CUL9: variants seen among roughly 807,000 people sequenced by gnomAD.
The protein encoded by CUL9 is cullin-9.
Under a neutral mutation model 272.6 loss-of-function variants are expected in CUL9, and 79 were observed. The observed-to-expected ratio is 0.29, with a 90% CI of 0.24 to 0.35. The LOEUF is 0.35. Among genes scored for constraint, CUL9 ranks in the 10% least tolerant of loss-of-function variants. CUL9 has a pLI of 1.00. For missense variants in CUL9, 2,532 were observed against 3,255.6 expected (o/e 0.78, Z 5.41); for synonymous variants, 1,186 against 1,286.5 (o/e 0.92, Z 1.67).
Position 43,224,296 on chromosome 6 carries a change from G to A in CUL9, c.7405G>A (p.Asp2469Asn), listed in dbSNP as rs763642023. 5.6e-6 allele frequency: 9 copies of A among 1,614,096 alleles called. No homozygotes were observed. The highest frequency in any genetic ancestry group is 3.3e-5 in the South Asian group (3 of 91,086). The change falls in exon 41 of 41, where the codon GAT becomes AAT. Residue 2469 changes from aspartate (D) to asparagine (N), a missense_variant. Physicochemically the swap from Asp to Asn is conservative, Grantham distance 23. Transcript: ENST00000252050. The surrounding 1 kb of genome is among the most constrained non-coding windows in gnomAD (Gnocchi z 4.2). ...AGAGGCAGAAGAGGAGGAGGAAGACGATGAGGATGATGTGCCCGAGTGGCA... is the reference window on the plus strand; with the variant it reads ...AGAGGCAGAAGAGGAGGAGGAAGACAATGAGGATGATGTGCCCGAGTGGCA... ...GPEAEEEEED[D>N]EDDVPEWQQD...
intron 31 of CUL9, among the ~76,000 whole-genome samples, chr6:43,217,817 A>G (rs1313442200): frequency 1.3e-5 from 2 of 152,172 alleles, no homozygotes; most frequent in African/African-American, 2.4e-5. Context: ...TGGGTGCTAA[A>G]TGAGGTATTG....
chr6:43,185,414 C>T, intron 2 of CUL9, 42 bp from the exon 3 acceptor site: 2 of 1,593,092 alleles, frequency 1.3e-6, no homozygotes, highest in Non-Finnish European at 8.6e-7. Context: ...GGAGAAAGTA[C>T]TGGGGATTGA....
chr6:43,222,754 GGA>G (rs1455207929), intron 37 of CUL9, 23 bp from the exon 38 acceptor site: 1 of 1,610,184 alleles, frequency 6.2e-7, no homozygotes, highest in African/African-American at 1.3e-5. Flanking sequence ...AGGGCAGGCG[GGA>G]GAGCTGATGG....
At position 43,204,824 on chromosome 6, in the gene CUL9, AACCCAGTG is replaced by A; in HGVS notation, c.4417_4424del (p.Thr1473LeufsTer28). 1.2e-6 allele frequency: 2 copies of A among 1,614,186 alleles called. No individual in the cohort carries two copies. Among genetic ancestry groups the A allele is most frequent in the Non-Finnish European group, 1.7e-6 (2 of 1,180,036 alleles). ...TTCCAAGCAGCAGCCTGAGGAACAT[AACCCAGTG>A]CTGGCTGAGCGTGGTGCAGGAGCAG... On this transcript the variant is annotated frameshift_variant, in exon 22 of 41. Transcript: ENST00000252050. LOFTEE classifies it high-confidence loss of function.
At chr6:43,205,902 G>T (rs1414392848) in intron 24 of CUL9, 105 bp from the exon 25 acceptor site, 9 of 890,544 alleles carry the variant, frequency 1.0e-5, no homozygotes, top group East Asian at 2.4e-5. Context: ...GTGAGGTAGG[G>T]TATGTGACTC....
At chr6:43,202,243 T>C (rs1774654977) in intron 16 of CUL9, among the ~76,000 whole-genome samples, 1 of 152,148 alleles carries the variant, frequency 6.6e-6, no homozygotes, top group Non-Finnish European at 1.5e-5. Context: ...GATCATTTCA[T>C]TTGGGCATGA....
At chr6:43,215,051 G>A (rs748274770) in intron 29 of CUL9, 28 bp from the exon 30 acceptor site, 2 of 1,565,816 alleles carry the variant, frequency 1.3e-6, no homozygotes, top group Non-Finnish European at 1.7e-6. Flanking sequence ...CATAAAAGTG[G>A]ACTTCTTGTT....
Position 43,187,024 on chromosome 6 carries a change from C to G in CUL9, c.1316C>G (p.Pro439Arg), listed in dbSNP as rs200298817. 1.2e-6 allele frequency: 2 copies of G among 1,614,078 alleles called. No individual in the cohort carries two copies. Among genetic ancestry groups the G allele is most frequent in the African/African-American group, 2.7e-5 (2 of 75,022 alleles). The change falls in exon 5 of 41, where the codon CCT (proline) becomes CGT (arginine). Residue 439 changes from proline (P) to arginine (R), a missense_variant. This residue lies in a region of CUL9 where 2,218 missense variants were observed against 2,788.6 expected (regional missense o/e 0.80). Coordinates refer to ENST00000252050, the MANE Select transcript of CUL9 (RefSeq NM_015089.4). The part of the protein sequence containing the change: ...VHWHMLEILG[P>R]EEATEDKASA... ...TGGCACATGCTGGAGATCCTGGGCCCTGAGGAAGCCACTGAGGATAAGGCT... is the reference window on the plus strand; with the variant it reads ...TGGCACATGCTGGAGATCCTGGGCCGTGAGGAAGCCACTGAGGATAAGGCT...
Position 43,223,513 on chromosome 6 carries a change from G to T in CUL9, c.7284+116G>T. 1 of 1,393,432 alleles carries T rather than the reference G, an allele frequency of 7.2e-7. No individual in the cohort carries two copies. The highest frequency in any genetic ancestry group is 1.4e-5 in the South Asian group (1 of 70,530). 86.3% of individuals were successfully genotyped at this position (1,393,432 alleles called of 1,614,324 possible). ...CAGAAGGAAAGGCAGCAAAGCGGGT[G>T]AATGGATGTTAGACCTGGGCGCACA... On this transcript the variant is annotated intron_variant, in intron 39 of 40. Coordinates refer to ENST00000252050, the MANE Select transcript of CUL9 (RefSeq NM_015089.4). This position sits in a 1 kb window ranked among gnomAD's most constrained non-coding sequence, Gnocchi z 4.1.
At position 43,213,208 on chromosome 6, in the gene CUL9, G is replaced by A; in HGVS notation, c.5272G>A (p.Gly1758Ser). The change falls in exon 27 of 41, where the codon GGC becomes AGC. Residue 1758 changes from glycine to serine, a missense_variant. Gly to Ser is a moderately conservative substitution (Grantham distance 56, BLOSUM62 0). Around this residue, in one of 3 missense-constraint regions of CUL9, gnomAD observed 2,218 missense variants for 2,788.6 expected, o/e 0.80. Transcript: ENST00000252050. This position sits in a 1 kb window ranked among gnomAD's most constrained non-coding sequence, Gnocchi z 5.7. Reference sequence around the variant, plus strand: ...TCGGCGACTGCAGTGGACGTGGCTGGGCCGGGCTGAGCTGCAGTTTGGGAA... The same window carrying A: ...TCGGCGACTGCAGTGGACGTGGCTGAGCCGGGCTGAGCTGCAGTTTGGGAA... ...PHRRLQWTWLGRAELQFGKQI... is the reference protein window; with the variant it reads ...PHRRLQWTWLSRAELQFGKQI... 2.5e-6 allele frequency: 4 copies of A among 1,614,140 alleles called. No homozygotes were observed. The highest frequency in any genetic ancestry group is 3.4e-6 in the Non-Finnish European group (4 of 1,180,016).
At chr6:43,196,004 G>T in intron 9 of CUL9, 65 bp from the exon 10 acceptor site, 1 of 1,423,518 alleles carries the variant, frequency 7.0e-7, no homozygotes, top group Non-Finnish European at 9.7e-7. Flanking sequence ...GGTCTAGAAT[G>T]AGGCCTACCT....
intron 12 of CUL9, 126 bp downstream of exon 12, chr6:43,198,981 G>A (rs1450510787): frequency 1.1e-5 from 14 of 1,276,672 alleles, no homozygotes; most frequent in Non-Finnish European, 1.4e-5. Context: ...TTGTTGCCCA[G>A]GCTGGAGTGC....
At position 43,186,166 on chromosome 6, in the gene CUL9, G is replaced by C. The variant is rs181783484; in HGVS notation, c.962G>C (p.Arg321Pro). The C allele has an allele frequency of 6.2e-7, 1 of 1,614,190 alleles. No individual in the cohort carries two copies. The highest frequency in any genetic ancestry group is 1.7e-5 in the Admixed American group (1 of 60,026). Residue 321 changes from arginine to proline, a missense_variant, in exon 4 of 41, where the codon CGG becomes CCG. Transcript: ENST00000252050. Reference protein sequence around the residue: ...SELVRSMGWARNLSEQGMSPP... With the variant: ...SELVRSMGWAPNLSEQGMSPP... ...CTTGTGCGGAGCATGGGCTGGGCCC[G>C]GAACCTCAGCGAACAGGGCATGTCA...
chr6:43,198,060 G>C (rs532069891), intron 11 of CUL9: 1 of 155,634 alleles, frequency 6.4e-6, no homozygotes, highest in East Asian at 1.9e-4. Context: ...GGCCAACATG[G>C]TGAAACCGCA....
chr6:43,213,699 G>A lies in CUL9; in HGVS notation c.5489-14G>A, dbSNP rs1006518856. The stretch of plus-strand genomic sequence containing the variant: ...CTCTGCCTCCTCTGGTACCTGACCG[G>A]GAGCGGGTTCCAGGTGTGCTGCGGC... On this transcript the variant is annotated splice_polypyrimidine_tract_variant and intron_variant, in intron 28 of 40. Transcript: ENST00000252050. This position sits in a 1 kb window ranked among gnomAD's most constrained non-coding sequence, Gnocchi z 5.7. 2 of 1,611,066 alleles carry A rather than the reference G, an allele frequency of 1.2e-6. No homozygotes were observed. Among genetic ancestry groups the A allele is most frequent in the Non-Finnish European group, 1.7e-6 (2 of 1,178,612 alleles).
Position 43,205,297 on chromosome 6 carries a change from A to G in CUL9, c.4667A>G (p.Gln1556Arg), listed in dbSNP as rs1364627389. 1.2e-6 allele frequency: 2 copies of G among 1,614,170 alleles called. No individual in the cohort carries two copies. The highest frequency in any genetic ancestry group is 1.1e-5 in the South Asian group (1 of 91,086). The change falls in exon 24 of 41, where the codon CAG (glutamine) becomes CGG (arginine). Residue 1556 changes from glutamine (Q) to arginine (R), a missense_variant. Gln to Arg is a conservative substitution (Grantham distance 43). Transcript: ENST00000252050. ...SEQFARYIDQQIQGGLIGGAP... is the reference protein window; with the variant it reads ...SEQFARYIDQRIQGGLIGGAP... ...CAGTTTGCCAGGTACATTGACCAAC[A>G]GATCCAGGGTGGCCTGATTGGTGGA...
chr6:43,221,680 C>T lies in CUL9; in HGVS notation c.6753-5C>T. The T allele has an allele frequency of 6.8e-6, 11 of 1,613,552 alleles. No individual in the cohort carries two copies. Among genetic ancestry groups the T allele is most frequent in the Non-Finnish European group, 8.5e-6 (10 of 1,179,838 alleles). Reference sequence around the variant, plus strand: ...GAGTCCCTGACCAGCCAGCTTCCTCCATAGCATGACCTGTGCCAAATGTAA... The same window carrying T: ...GAGTCCCTGACCAGCCAGCTTCCTCTATAGCATGACCTGTGCCAAATGTAA... On this transcript the variant is annotated splice_region_variant and splice_polypyrimidine_tract_variant and intron_variant, in intron 34 of 40. Coordinates refer to ENST00000252050, the MANE Select transcript of CUL9 (RefSeq NM_015089.4). The surrounding 1 kb of genome is among the most constrained non-coding windows in gnomAD (Gnocchi z 4.2).
chr6:43,186,874 G>A, intron 4 of CUL9, 86 bp from the exon 5 acceptor site: 2 of 1,519,202 alleles, frequency 1.3e-6, no homozygotes, highest in Admixed American at 3.7e-5. Flanking sequence ...TCTATGCTTG[G>A]GCATGTCCTT....
rs1349640893 is a variant in CUL9 at position 43,186,569 on chromosome 6, T to A, written c.1251+114T>A. 4 of 1,412,210 alleles carry A rather than the reference T, an allele frequency of 2.8e-6. No homozygotes were observed. The African/African-American group carries it at 5.8e-5, about 20-fold the overall frequency. The allele number at this position is 1,412,210 out of a possible 1,614,324, so 87.5% of individuals were successfully genotyped here. On this transcript the variant is annotated intron_variant, in intron 4 of 40. Coordinates refer to ENST00000252050, the MANE Select transcript of CUL9 (RefSeq NM_015089.4). ...ACCCAAGAAGAACCCCCCTGGGGAA[T>A]TGGAATGATACAAGGGGGTTGGCAT...
Sources: gnomAD v4.1 joint callset for allele counts (sites outside exome capture counted in the v4.1 genomes callset) on GRCh38, gnomAD v4.1.1 for gene constraint, gnomAD v4.1.1 regional missense constraint, Gnocchi (gnomAD v3.1) non-coding constraint, MANE v1.5 for transcripts, NCBI Gene and HGNC (gene_info 2026-07-23, HGNC 2026-07-21) for gene names.